RPTOR: variants seen among roughly 807,000 people sequenced by gnomAD.
RPTOR encodes the protein regulatory-associated protein of mTOR.
A neutral mutation model predicts 169.9 loss-of-function variants in RPTOR; 21 were observed. The ratio of observed to expected loss-of-function variants is 0.12; its 90% CI spans 0.09 to 0.18. The LOEUF is 0.18. Ranked by LOEUF, RPTOR falls within the 10% of genes least tolerant of loss-of-function variation. The probability of loss-of-function intolerance (pLI) is 1.00; values close to 1 mark genes in which losing one functional copy is unlikely to be tolerated. For missense variants in RPTOR, 1,133 were observed against 1,855.9 expected (o/e 0.61, Z 7.16); for synonymous variants, 732 against 753.2 (o/e 0.97, Z 0.46).
intron 5 of RPTOR, among the ~76,000 whole-genome samples, chr17:80,747,519 T>C (rs1011250269): frequency 3.0e-4 from 46 of 152,370 alleles, no homozygotes; most frequent in African/African-American, 1.0e-3. Context: ...ATGAAGTTTC[T>C]AGTAGGCATA....
At chr17:80,906,463 G>C (rs2068544154) in intron 20 of RPTOR, among the ~76,000 whole-genome samples, 1 of 152,220 alleles carries the variant, frequency 6.6e-6, no homozygotes, top group Non-Finnish European at 1.5e-5. Context: ...AGGTGCATCT[G>C]CGTGGCACCG....
chr17:80,951,446 G>C (rs969823441), intron 28 of RPTOR, among the ~76,000 whole-genome samples: 1 of 152,186 alleles, frequency 6.6e-6, no homozygotes, highest in East Asian at 1.9e-4. Context: ...GTCAGAGAAC[G>C]AGGCTCTCAC....
chr17:80,748,748 G>A (rs1244755228), intron 5 of RPTOR, among the ~76,000 whole-genome samples: 2 of 59,670 alleles, frequency 3.4e-5, no homozygotes, highest in Admixed American at 3.0e-4. Flanking sequence ...TTTGGAGGCC[G>A]TGGCGGGAGG....
chr17:80,736,086 C>T (rs183840664), intron 5 of RPTOR, among the ~76,000 whole-genome samples: 5 of 152,100 alleles, frequency 3.3e-5, no homozygotes, highest in South Asian at 2.1e-4. Context: ...GTGGAAGGGT[C>T]GCTTGAGCTC....
chr17:80,840,451 CTCTT>C (rs111277147), intron 10 of RPTOR, among the ~76,000 whole-genome samples: 9,301 of 137,502 alleles, frequency 0.068, 1,480 homozygotes, highest in African/African-American at 0.27. Context: ...GCAGCTCACT[CTCTT>C]TGCACCGCAG....
Position 80,885,160 on chromosome 17 carries a change from C to G in RPTOR, c.1983+12C>G, listed in dbSNP as rs1221588359. 5 of 1,550,286 alleles carry G rather than the reference C, an allele frequency of 3.2e-6. No individual in the cohort carries two copies. In the East Asian group the frequency reaches 1.2e-4, roughly 38 times the overall value. On this transcript the variant is annotated intron_variant, in intron 17 of 33. Coordinates refer to ENST00000306801, the MANE Select transcript of RPTOR (RefSeq NM_020761.3). ...CCATGGTCCGGAAGGTGCGTGAACC[C>G]CCAGCCCGGCAGCAGCAGGGCACCC...
chr17:80,915,929 T>C lies in RPTOR; in HGVS notation c.2521-6795T>C, dbSNP rs7217765. 8.3e-3 allele frequency among the ~76,000 whole-genome samples: 1,257 copies of C among 152,226 alleles called. 25 individuals are homozygous for C. Among genetic ancestry groups the C allele is most frequent in the African/African-American group, 0.029 (1,198 of 41,496 alleles). On this transcript the variant is annotated intron_variant, in intron 21 of 33. Transcript: ENST00000306801. ...AACCACTCCAGGGTCTCTTTTCTGCTGAGAGCAGAACACTTATCAGGACAG... is the reference window on the plus strand; with the variant it reads ...AACCACTCCAGGGTCTCTTTTCTGCCGAGAGCAGAACACTTATCAGGACAG...
At chr17:80,840,281 C>A (rs570082899) in intron 10 of RPTOR, among the ~76,000 whole-genome samples, 2 of 152,110 alleles carry the variant, frequency 1.3e-5, no homozygotes, top group East Asian at 3.9e-4. Flanking sequence ...AGTAAGCTCA[C>A]TCTCTCTGCA....
chr17:80,883,773 C>G lies in RPTOR; in HGVS notation c.1651-8C>G, dbSNP rs766059351. On this transcript the variant is annotated splice_region_variant and splice_polypyrimidine_tract_variant and intron_variant, in intron 15 of 33. Coordinates refer to ENST00000306801, the MANE Select transcript of RPTOR (RefSeq NM_020761.3). ...GAGGCCAACCTGTCTGTGGTCCCGC[C>G]TCTGCAGGAAGCCTGCCTTCAGGGA... The G allele has an allele frequency of 2.5e-6, 4 of 1,613,224 alleles. No individual in the cohort carries two copies. Among genetic ancestry groups the G allele is most frequent in the Non-Finnish European group, 3.4e-6 (4 of 1,180,022 alleles).
At chr17:80,713,615 G>C (rs1385277935) in intron 4 of RPTOR, among the ~76,000 whole-genome samples, 1 of 152,144 alleles carries the variant, frequency 6.6e-6, no homozygotes, top group Admixed American at 6.5e-5. Context: ...GTAAAAGAAA[G>C]GGAAACGATA....
intron 4 of RPTOR, among the ~76,000 whole-genome samples, chr17:80,720,689 G>A (rs1406055538): frequency 5.3e-5 from 8 of 152,314 alleles, no homozygotes; most frequent in Middle Eastern, 3.4e-3. Context: ...TTAAAACCAC[G>A]GTCATAGCGC....
chr17:80,611,769 T>TTAA (rs1555596038), intron 1 of RPTOR, among the ~76,000 whole-genome samples: 3 of 142,682 alleles, frequency 2.1e-5, no homozygotes, highest in Non-Finnish European at 4.6e-5. Flanking sequence ...TTTTTTTTTT[T>TTAA]AAAAAAAACA....
intron 3 of RPTOR, among the ~76,000 whole-genome samples, chr17:80,671,835 C>T (rs1001344218): frequency 5.9e-5 from 9 of 152,098 alleles, no homozygotes; most frequent in Admixed American, 3.3e-4. Flanking sequence ...TTGTGGTGTG[C>T]GTGGTGTTCT....
intron 3 of RPTOR, among the ~76,000 whole-genome samples, chr17:80,667,259 C>T (rs554989503): frequency 1.2e-4 from 18 of 152,164 alleles, no homozygotes; most frequent in South Asian, 2.1e-4. Context: ...GGGGGACAGC[C>T]GGGGGAAGCT....
chr17:80,862,397 G>C (rs1009727571), intron 13 of RPTOR, among the ~76,000 whole-genome samples: 3 of 152,024 alleles, frequency 2.0e-5, no homozygotes, highest in Non-Finnish European at 4.4e-5. Context: ...TGTTTTTGAG[G>C]GGTCATTCCT....
chr17:80,893,467 G>A (rs1464530070), intron 19 of RPTOR, among the ~76,000 whole-genome samples: 3 of 137,466 alleles, frequency 2.2e-5, no homozygotes, highest in Non-Finnish European at 4.8e-5. Context: ...GCGCCAGGTT[G>A]TGTCTGTACG....
In RPTOR at chr17:80,861,638, G is replaced by A. The variant is rs532366374; in HGVS notation, c.1509+3738G>A. On this transcript the variant is annotated intron_variant, in intron 13 of 33. Transcript: ENST00000306801. This position sits in a 1 kb window ranked among gnomAD's most constrained non-coding sequence, Gnocchi z 4.5. ...GGGGCTCTGGGATGCACAAAACGGTGACCCTCACATGACACAAAGCCCAGG... is the reference window on the plus strand; with the variant it reads ...GGGGCTCTGGGATGCACAAAACGGTAACCCTCACATGACACAAAGCCCAGG... 2.6e-5 allele frequency among the ~76,000 whole-genome samples: 4 copies of A among 152,258 alleles called. No homozygotes were observed. In the East Asian group the frequency reaches 7.7e-4, roughly 29 times the overall value.
In RPTOR at chr17:80,895,373, C is replaced by CT. The variant is rs1467059614; in HGVS notation, c.2401+1512dup. On this transcript the variant is annotated intron_variant, in intron 20 of 33. Coordinates refer to ENST00000306801, the MANE Select transcript of RPTOR (RefSeq NM_020761.3). ...CCCAGCTGCCCTCTGACCCTGCTCC[C>CT]TTTTCCTGCTTTATTTTTCTCCTGA... Among the ~76,000 whole-genome samples, 5 of 152,362 alleles carry CT rather than the reference C, an allele frequency of 3.3e-5. No homozygotes were observed. In the East Asian group the frequency reaches 7.7e-4, roughly 23 times the overall value.
At chr17:80,595,839 T>C (rs1281737469) in intron 1 of RPTOR, among the ~76,000 whole-genome samples, 1 of 152,340 alleles carries the variant, frequency 6.6e-6, no homozygotes, top group South Asian at 2.1e-4. Context: ...TCACTGGTAC[T>C]GCCAGGCTAT....
Sources: allele counts gnomAD v4.1 joint callset (sites outside exome capture counted in the v4.1 genomes callset), GRCh38; gene constraint gnomAD v4.1.1; non-coding constraint Gnocchi (gnomAD v3.1); transcripts MANE v1.5; gene names NCBI Gene and HGNC (gene_info 2026-07-23, HGNC 2026-07-21).